USO1: variants seen among roughly 807,000 people sequenced by gnomAD.
The protein encoded by USO1 is general vesicular transport factor p115.
USO1 carries 57 observed loss-of-function variants against 124.5 expected under a neutral mutation model. The ratio of observed to expected loss-of-function variants is 0.46; its 90% confidence interval spans 0.37 to 0.57. The LOEUF (loss-of-function observed/expected upper bound fraction) is 0.57. Ranked by LOEUF, USO1 falls within the 20% of genes least tolerant of loss-of-function variation. The probability of loss-of-function intolerance (pLI) is 0.00; values close to 1 mark genes in which losing one functional copy is unlikely to be tolerated. For missense variants in USO1, 900 were observed against 1,040.6 expected (o/e 0.86, Z 1.86); for synonymous variants, 369 against 362.8 (o/e 1.02, Z -0.19).
chr4:75,755,577 AT>A, intron 3 of USO1: 4 of 493,446 alleles, frequency 8.1e-6, no homozygotes, highest in Non-Finnish European at 1.6e-5. Flanking sequence ...CTGCTTGTCC[AT>A]AACAGTTAGG....
rs1027370440 is a variant in USO1, at chr4:75,785,234, A to G, written c.856-1828A>G. Among the ~76,000 whole-genome samples the G allele has an allele frequency of 2.6e-5, 4 of 152,214 alleles. No homozygotes were observed. The South Asian group carries it at 8.3e-4, about 32-fold the overall frequency. ...GGAACTATTCATCATCACAGTTATC[A>G]TGATTGCATTCTGAGCTACTAAAAA... is the stretch of plus-strand genomic sequence containing the variant. On this transcript the variant is annotated intron_variant, in intron 9 of 23. Coordinates refer to ENST00000514213, the MANE Select transcript of USO1 (RefSeq NM_003715.4).
At chr4:75,795,392 C>A in intron 13 of USO1, 1 of 699,872 alleles carries the variant, frequency 1.4e-6, no homozygotes, top group Middle Eastern at 2.3e-4. Flanking sequence ...GCATTTTCCT[C>A]TTATAGCAAA....
chr4:75,731,279 G>A (rs956379904), intron 1 of USO1, among the ~76,000 whole-genome samples: 1 of 152,134 alleles, frequency 6.6e-6, no homozygotes, highest in Non-Finnish European at 1.5e-5. Flanking sequence ...ACAAATTTCT[G>A]GGCCAGGCCT....
At position 75,770,434 on chromosome 4, in the gene USO1, T is replaced by C. The variant is rs762186385; in HGVS notation, c.296-5T>C. On this transcript the variant is annotated splice_polypyrimidine_tract_variant and splice_region_variant and intron_variant, in intron 4 of 23. Transcript: ENST00000514213. ...ATTGAAATTCTTTATTTTTGAATAT[T>C]ACAGAAGAAAATTCCACAAGACAGA... 2 of 1,541,040 alleles carry C rather than the reference T, an allele frequency of 1.3e-6. No homozygotes were observed. Among genetic ancestry groups the C allele is most frequent in the African/African-American group, 2.8e-5 (2 of 72,172 alleles).
chr4:75,754,684 T>A (rs1049607383), intron 3 of USO1, among the ~76,000 whole-genome samples: 18 of 152,200 alleles, frequency 1.2e-4, no homozygotes, highest in Admixed American at 1.0e-3. Context: ...CTTAGGGAAC[T>A]CATTCCTCTC....
intron 8 of USO1, among the ~76,000 whole-genome samples, chr4:75,778,506 G>C (rs2149172873): frequency 6.6e-6 from 1 of 152,246 alleles, no homozygotes; most frequent in South Asian, 2.1e-4. Context: ...GACCCACGCA[G>C]TTCAAACCCA....
In USO1 at chr4:75,757,604, C is replaced by T. The variant is rs1435401555; in HGVS notation, c.295+31C>T. On this transcript the variant is annotated intron_variant, in intron 4 of 23. Coordinates refer to ENST00000514213, the MANE Select transcript of USO1 (RefSeq NM_003715.4). ...TTTCCAGTTATTTTTACTGTGTTTT[C>T]TGTACTTAAAACCAACTGGGTTGTG... The T allele has an allele frequency of 3.5e-6, 5 of 1,431,392 alleles. No homozygotes were observed. In the African/African-American group the frequency reaches 4.4e-5, roughly 13 times the overall value. The allele number at this position is 1,431,392 out of a possible 1,614,324, so 88.7% of individuals were successfully genotyped here. A position where few individuals can be genotyped will look rare whatever the true frequency, so the allele number is the denominator to read the frequency against.
chr4:75,736,139 A>G (rs1454554220), intron 1 of USO1, among the ~76,000 whole-genome samples: 2 of 152,022 alleles, frequency 1.3e-5, no homozygotes, highest in Non-Finnish European at 1.5e-5. Context: ...CCTGTCACCA[A>G]TTTCAGTTCT....
Position 75,800,696 on chromosome 4 carries a change from T to C in USO1, c.1761T>C (p.His587=). 6.2e-7 allele frequency: 1 copy of C among 1,604,362 alleles called. No individual in the cohort carries two copies. Among genetic ancestry groups the C allele is most frequent in the Non-Finnish European group, 8.5e-7 (1 of 1,177,634 alleles). ...AGAAACTAGGATTTATTAGCAAACATGAGTTGTATTCCAGAGCATCTCAGA... is the reference window on the plus strand; with the variant it reads ...AGAAACTAGGATTTATTAGCAAACACGAGTTGTATTCCAGAGCATCTCAGA... ...FIEKLGFISK[H]ELYSRASQKP... is the part of the protein sequence containing the mutation. The change falls in exon 16 of 24, where the codon CAT becomes CAC. Residue 587 remains histidine, a synonymous_variant. Transcript: ENST00000514213.
chr4:75,790,282 C>T (rs754258094), intron 11 of USO1, 44 bp downstream of exon 11: 3 of 1,552,758 alleles, frequency 1.9e-6, no homozygotes, highest in Middle Eastern at 1.7e-4. Flanking sequence ...GAAGTAAAAA[C>T]TTTGGGTTGT....
chr4:75,754,734 A>G (rs1166868771), intron 3 of USO1, among the ~76,000 whole-genome samples: 1 of 152,160 alleles, frequency 6.6e-6, no homozygotes, highest in African/African-American at 2.4e-5. Context: ...AAACAGCTAG[A>G]GTCCATTATT....
rs1722963735 is a variant in USO1 at position 75,805,323 on chromosome 4, A to C, written c.2289+20A>C. 4.5e-6 allele frequency: 7 copies of C among 1,553,228 alleles called. No homozygotes were observed. The highest frequency in any genetic ancestry group is 5.2e-6 in the Non-Finnish European group (6 of 1,153,844). Reference sequence around the variant, plus strand: ...AATATGGTAAAGTAAATGTTTAAGAAGTTAAAATAAGAGTTCAAGAGTGGT... The same window carrying C: ...AATATGGTAAAGTAAATGTTTAAGACGTTAAAATAAGAGTTCAAGAGTGGT... On this transcript the variant is annotated intron_variant, in intron 19 of 23. Coordinates refer to ENST00000514213, the MANE Select transcript of USO1 (RefSeq NM_003715.4).
At chr4:75,773,301 A>G (rs1418938377) in intron 7 of USO1, among the ~76,000 whole-genome samples, 1 of 152,092 alleles carries the variant, frequency 6.6e-6, no homozygotes, top group African/African-American at 2.4e-5. Context: ...ATTGGTTTTT[A>G]CATGTTTTAT....
At chr4:75,810,725 T>G (rs988118743) in intron 22 of USO1, among the ~76,000 whole-genome samples, 186 bp downstream of exon 22, 2 of 152,028 alleles carry the variant, frequency 1.3e-5, no homozygotes, top group Admixed American at 1.3e-4. Context: ...TTGTTTTGGG[T>G]TTTTTTGTTT....
chr4:75,762,320 C>T (rs1037776415), intron 4 of USO1, among the ~76,000 whole-genome samples: 12 of 151,692 alleles, frequency 7.9e-5, no homozygotes, highest in African/African-American at 2.9e-4. Flanking sequence ...AGTGTCACCA[C>T]ACCCAGCTAA....
Position 75,805,240 on chromosome 4 carries a change from A to G in USO1, c.2226A>G (p.Leu742=). 6.2e-7 allele frequency: 1 copy of G among 1,612,938 alleles called. No homozygotes were observed. Among genetic ancestry groups the G allele is most frequent in the Non-Finnish European group, 8.5e-7 (1 of 1,179,384 alleles). ...GATTGCGAGAAGAGATAGAAGAATT[A>G]AAACGTAATCAGGAACTTTTACAAA... ...IGRLREEIEE[L]KRNQELLQSQ... Residue 742 remains leucine, a synonymous_variant, in exon 19 of 24, where the codon TTA becomes TTG. Transcript: ENST00000514213.
At chr4:75,760,629 C>T in intron 4 of USO1, 1 of 397,790 alleles carries the variant, frequency 2.5e-6, no homozygotes, top group Non-Finnish European at 4.4e-6. Flanking sequence ...TTTACATCTG[C>T]ATGATGCTTT....
At chr4:75,755,820 T>C (rs993228250) in intron 3 of USO1, among the ~76,000 whole-genome samples, 1 of 152,154 alleles carries the variant, frequency 6.6e-6, no homozygotes, top group South Asian at 2.1e-4. Flanking sequence ...CCAGATATGC[T>C]TAAGTTAAGG....
chr4:75,742,207 A>G (rs537362985), intron 1 of USO1, among the ~76,000 whole-genome samples: 2 of 152,238 alleles, frequency 1.3e-5, no homozygotes, highest in Admixed American at 6.5e-5. Flanking sequence ...ACTGTTATCA[A>G]GTATTATGTA....
Sources: gnomAD v4.1 joint callset for allele counts (sites outside exome capture counted in the v4.1 genomes callset) on GRCh38, gnomAD v4.1.1 for gene constraint, MANE v1.5 for transcripts, NCBI Gene and HGNC (gene_info 2026-07-23, HGNC 2026-07-21) for gene names.